Variants in RAI14 observed in about 807,000 individuals in gnomAD.
RAI14 encodes the protein retinoic acid induced 14.
Under a neutral mutation model 115.4 loss-of-function variants are expected in RAI14, and 45 were observed. That is an observed-to-expected ratio of 0.39 (90% confidence interval 0.31 to 0.50). The LOEUF (loss-of-function observed/expected upper bound fraction) is 0.50. RAI14 is among the 20% of genes least tolerant of loss of function. The pLI, the probability that RAI14 is intolerant of heterozygous loss-of-function variation, is 0.85. For synonymous variants in RAI14, 371 were observed against 415.4 expected (o/e 0.89, Z 1.30); for missense variants, 939 against 1,131.2 (o/e 0.83, Z 2.44).
At chr5:34,760,264 G>A (rs1748458560) in intron 3 of RAI14, among the ~76,000 whole-genome samples, 1 of 152,136 alleles carries the variant, frequency 6.6e-6, no homozygotes, top group African/African-American at 2.4e-5. Context: ...GGCCAGGATG[G>A]TCTCGATCTC....
At chr5:34,711,031 G>A (rs1031234098) in intron 2 of RAI14, among the ~76,000 whole-genome samples, 2 of 152,176 alleles carry the variant, frequency 1.3e-5, no homozygotes, top group African/African-American at 4.8e-5. Flanking sequence ...TGGACTGAAT[G>A]TTTGTGTCCC....
chr5:34,663,671 G>A (rs1742876641), intron 1 of RAI14, among the ~76,000 whole-genome samples: 1 of 152,140 alleles, frequency 6.6e-6, no homozygotes, highest in African/African-American at 2.4e-5. Flanking sequence ...CACACAGTAG[G>A]AGATTAACAT....
intron 3 of RAI14, among the ~76,000 whole-genome samples, chr5:34,781,782 G>A (rs1751679679): frequency 6.6e-6 from 1 of 152,170 alleles, no homozygotes; most frequent in Non-Finnish European, 1.5e-5. Flanking sequence ...CACTTGCTGA[G>A]ACCAGCTTGA....
At chr5:34,829,880 G>T (rs1228259256) in intron 17 of RAI14, 83 bp downstream of exon 17, 1 of 1,149,974 alleles carries the variant, frequency 8.7e-7, no homozygotes, top group Non-Finnish European at 1.3e-6. Context: ...CATTTAACTA[G>T]GAGAATGAAC....
Position 34,701,547 on chromosome 5 carries a change from C to CA in RAI14, c.36+14594dup, listed in dbSNP as rs150851784. 5.6e-3 allele frequency among the ~76,000 whole-genome samples: 849 copies of CA among 152,316 alleles called. 13 individuals carry two copies. The highest frequency in any genetic ancestry group is 0.019 in the African/African-American group (801 of 41,574). On this transcript the variant is annotated intron_variant, in intron 2 of 17. Transcript: ENST00000265109. ...CCAATCCCAAGTCTTTAGACAAACT[C>CA]AACCAATTGTCAACCAGAAAATGTT...
chr5:34,750,037 C>T (rs1746784673), intron 2 of RAI14, among the ~76,000 whole-genome samples: 1 of 152,132 alleles, frequency 6.6e-6, no homozygotes, highest in South Asian at 2.1e-4. Context: ...ATTCATAGAA[C>T]ATTAGTCAAG....
chr5:34,797,234 C>T (rs1378899839), intron 4 of RAI14, among the ~76,000 whole-genome samples: 2 of 152,140 alleles, frequency 1.3e-5, no homozygotes, highest in African/African-American at 2.4e-5. Flanking sequence ...CTAGGCTTTT[C>T]GTGAATCCGT....
chr5:34,703,794 G>T (rs1263530989), intron 2 of RAI14, among the ~76,000 whole-genome samples: 11 of 152,298 alleles, frequency 7.2e-5, no homozygotes. Flanking sequence ...GGGGCATCCA[G>T]CACACTGCTT....
At chr5:34,800,886 G>C (rs150467825) in intron 4 of RAI14, among the ~76,000 whole-genome samples, 1 of 152,262 alleles carries the variant, frequency 6.6e-6, no homozygotes, top group African/African-American at 2.4e-5. Context: ...TTGCGTACAC[G>C]ACATAAACGG....
chr5:34,779,467 GA>G (rs1430162852), intron 3 of RAI14, among the ~76,000 whole-genome samples: 1 of 152,212 alleles, frequency 6.6e-6, no homozygotes, highest in Non-Finnish European at 1.5e-5. Flanking sequence ...TGTATATCTA[GA>G]AAACCCCATC....
chr5:34,822,882 T>C, intron 14 of RAI14, 74 bp from the exon 15 acceptor site: 2 of 1,265,944 alleles, frequency 1.6e-6, no homozygotes, highest in Non-Finnish European at 1.1e-6. Context: ...AGAGACGGGG[T>C]TTCACCGTGT....
At chr5:34,807,094 G>A (rs188784109) in intron 5 of RAI14, among the ~76,000 whole-genome samples, 4 of 152,224 alleles carry the variant, frequency 2.6e-5, no homozygotes, top group East Asian at 1.9e-4. Context: ...TAGGACCTCC[G>A]CATTTGGGAG....
chr5:34,699,424 T>C (rs898623083), intron 2 of RAI14, among the ~76,000 whole-genome samples: 2 of 152,292 alleles, frequency 1.3e-5, no homozygotes, highest in African/African-American at 4.8e-5. Context: ...GGTGGTTTGC[T>C]GGCAATCTTT....
rs1047038296 is a variant in RAI14 at position 34,776,676 on chromosome 5, G to A, written c.167+19078G>A. ...AGAAAAATTAGATGGGCATGGTAGT[G>A]TGTATCTGTAGTTGCAACTATTCGG... is the stretch of plus-strand genomic sequence containing the variant. On this transcript the variant is annotated intron_variant, in intron 3 of 17. Coordinates refer to ENST00000265109, the MANE Select transcript of RAI14 (RefSeq NM_015577.3). 1.9e-4 allele frequency among the ~76,000 whole-genome samples: 29 copies of A among 152,050 alleles called. 1 individual carries two copies. Among genetic ancestry groups the A allele is most frequent in the Non-Finnish European group, 1.3e-4 (9 of 68,002 alleles).
chr5:34,685,785 G>C (rs555613831), intron 1 of RAI14: 1 of 152,240 alleles, frequency 6.6e-6, no homozygotes, highest in Non-Finnish European at 1.5e-5. Context: ...AGAATCCAGT[G>C]AAAACTCAGA....
intron 1 of RAI14, among the ~76,000 whole-genome samples, chr5:34,675,697 G>T (rs1384052487): frequency 6.6e-6 from 1 of 151,864 alleles, no homozygotes; most frequent in Non-Finnish European, 1.5e-5. Flanking sequence ...GCTGCAGAGA[G>T]CTATGATGGT....
rs769935046 is a variant in RAI14 at position 34,824,088 on chromosome 5, A to G, written c.2246A>G (p.Glu749Gly). The G allele has an allele frequency of 3.1e-6, 5 of 1,614,090 alleles. No homozygotes were observed. The African/African-American group carries it at 5.3e-5, about 17-fold the overall frequency. Reference sequence around the variant, plus strand: ...CGGACTGCAGCAAAAGAGATGGAAGAAAAAATAAGCAATCTTAAGGAACAC... The same window carrying G: ...CGGACTGCAGCAAAAGAGATGGAAGGAAAAATAAGCAATCTTAAGGAACAC... ...TLRTAAKEME[E>G]KISNLKEHLA... Residue 749 changes from glutamate (E) to glycine (G), a missense_variant, in exon 15 of 18, where the codon GAA becomes GGA. By Grantham distance (98) the Glu-to-Gly change is moderately conservative. Transcript: ENST00000265109.
rs754039454 is a variant in RAI14 at position 34,803,790 on chromosome 5, A to G, written c.321+14A>G. 6.2e-7 allele frequency: 1 copy of G among 1,604,418 alleles called. No individual in the cohort carries two copies. Among genetic ancestry groups the G allele is most frequent in the South Asian group, 1.1e-5 (1 of 89,674 alleles). ...AAGCTGCTTCAGGTAAGCTGGTGACAACTTAGAATTATAAATGTGTCGGTT... is the reference window on the plus strand; with the variant it reads ...AAGCTGCTTCAGGTAAGCTGGTGACGACTTAGAATTATAAATGTGTCGGTT... On this transcript the variant is annotated intron_variant, in intron 5 of 17. Transcript: ENST00000265109.
chr5:34,828,071 A>C lies in RAI14; in HGVS notation c.2799+1592A>C, dbSNP rs115549982. 6.2e-3 allele frequency among the ~76,000 whole-genome samples: 942 copies of C among 152,248 alleles called. 7 individuals carry two copies. Among genetic ancestry groups the C allele is most frequent in the African/African-American group, 0.02 (844 of 41,534 alleles). On this transcript the variant is annotated intron_variant, in intron 16 of 17. Transcript: ENST00000265109. The stretch of plus-strand genomic sequence containing the variant: ...ACCTTGGTGAGAACCATTCCAGTGG[A>C]GTGGGGAGGAGGGTAGAATCTGGAC...
Sources: gnomAD v4.1 joint callset for allele counts (sites outside exome capture counted in the v4.1 genomes callset) on GRCh38, gnomAD v4.1.1 for gene constraint, MANE v1.5 for transcripts, NCBI Gene and HGNC (gene_info 2026-07-23, HGNC 2026-07-21) for gene names.